Variants in ACTR6 observed in about 807,000 individuals in gnomAD.
ACTR6 encodes actin-related protein 6.
A neutral mutation model predicts 52.5 loss-of-function variants in ACTR6; 50 were observed. The observed-to-expected ratio is 0.95, with a 90% CI of 0.76 to 1.20. The LOEUF (loss-of-function observed/expected upper bound fraction) is 1.20. Among genes scored for constraint, ACTR6 ranks in the 50% most tolerant of loss-of-function variants. The pLI, the probability that ACTR6 is intolerant of heterozygous loss-of-function variation, is 0.00. For missense variants in ACTR6, 344 were observed against 472.4 expected, an observed-to-expected ratio of 0.73 and a Z score of 2.52; for synonymous variants, 135 against 147.2, an observed-to-expected ratio of 0.92 and a Z score of 0.60.
chr12:100,212,490 T>C lies in ACTR6; in HGVS notation c.712T>C (p.Leu238=). The C allele has an allele frequency of 6.2e-7, 1 of 1,613,934 alleles. No homozygotes were observed. Residue 238 remains leucine (L), a synonymous_variant, in exon 8 of 11, where the codon TTG becomes CTG. Coordinates refer to ENST00000188312, the MANE Select transcript of ACTR6 (RefSeq NM_022496.5). ...EENTVMIDYV[L]PDFSTIKKGF... ...AAATACAGTAATGATAGACTATGTC[T>C]TGCCTGACTTCAGTACAATTAAAAA...
Position 100,218,582 on chromosome 12 carries a change from T to G in ACTR6, c.918T>G (p.Pro306=), listed in dbSNP as rs770132707. The part of the protein sequence containing the change: ...EAIVYSIQNL[P]EEMQPHFFKN... ...TTGTCTATTCAATTCAAAATCTACCTGAAGGTACATAAATAGAGTAAAATA... is the reference window on the plus strand; with the variant it reads ...TTGTCTATTCAATTCAAAATCTACCGGAAGGTACATAAATAGAGTAAAATA... The change falls in exon 9 of 11, where the codon CCT becomes CCG. Residue 306 remains proline (P), a synonymous_variant. Coordinates refer to ENST00000188312, the MANE Select transcript of ACTR6 (RefSeq NM_022496.5). The surrounding 1 kb of genome is among the most constrained non-coding windows in gnomAD (Gnocchi z 4.2). The G allele has an allele frequency of 6.6e-7, 1 of 1,515,990 alleles. No homozygotes were observed. The highest frequency in any genetic ancestry group is 1.4e-5 in the African/African-American group (1 of 70,954). The allele number at this position is 1,515,990 out of a possible 1,614,324, so 93.9% of individuals were successfully genotyped here. A position where few individuals can be genotyped will look rare whatever the true frequency, so the allele number is the denominator to read the frequency against.
In ACTR6 at chr12:100,200,823, A is replaced by G. The variant is rs1308435270; in HGVS notation, c.-29A>G. 6.2e-7 allele frequency: 1 copy of G among 1,613,422 alleles called. No individual in the cohort carries two copies. The highest frequency in any genetic ancestry group is 1.3e-5 in the African/African-American group (1 of 74,918). ...GCAGAGGGGTCGGAAAGGGAAAACA[A>G]CTACGGCTGCGGTGTGGTTGGTGGT... On this transcript the variant is annotated 5_prime_UTR_variant, in exon 1 of 11. Coordinates refer to ENST00000188312, the MANE Select transcript of ACTR6 (RefSeq NM_022496.5).
At chr12:100,213,704 A>G (rs2096121829) in intron 8 of ACTR6, among the ~76,000 whole-genome samples, 1 of 152,190 alleles carries the variant, frequency 6.6e-6, no homozygotes, top group Non-Finnish European at 1.5e-5. Flanking sequence ...AAAGGGCAAA[A>G]TCCAATGGCA....
intron 4 of ACTR6, 180 bp downstream of exon 4, chr12:100,207,966 C>T: frequency 1.8e-6 from 1 of 560,512 alleles, no homozygotes; most frequent in South Asian, 1.8e-5. Flanking sequence ...TTGAGATCAG[C>T]CTGGGCAGCA....
Position 100,218,512 on chromosome 12 carries a change from A to C in ACTR6, c.848A>C (p.Asn283Thr). 6.2e-7 allele frequency: 1 copy of C among 1,602,212 alleles called. No individual in the cohort carries two copies. Among genetic ancestry groups the C allele is most frequent in the Non-Finnish European group, 8.5e-7 (1 of 1,174,352 alleles). Residue 283 changes from asparagine to threonine, a missense_variant, in exon 9 of 11, where the codon AAT (asparagine) becomes ACT (threonine). Transcript: ENST00000188312. The surrounding 1 kb of genome is among the most constrained non-coding windows in gnomAD (Gnocchi z 4.2). ...ERFAVPEILF[N>T]PSDIGIQEMG... ...TTTGCTGTTCCGGAAATACTCTTTAATCCTTCTGATATAGGCATTCAAGAA... is the reference window on the plus strand; with the variant it reads ...TTTGCTGTTCCGGAAATACTCTTTACTCCTTCTGATATAGGCATTCAAGAA...
At chr12:100,205,519 AAAG>A in intron 2 of ACTR6, 154 bp from the exon 3 acceptor site, 1 of 438,962 alleles carries the variant, frequency 2.3e-6, no homozygotes, top group African/African-American at 2.1e-5. Context: ...AAATTAAAAA[AAAG>A]AAATTCATAC....
Position 100,211,749 on chromosome 12 carries a change from C to T in ACTR6, c.573-507C>T, listed in dbSNP as rs187016165. Among the ~76,000 whole-genome samples, 18 of 152,096 alleles carry T rather than the reference C, an allele frequency of 1.2e-4. No homozygotes were observed. The East Asian group carries it at 3.1e-3, about 26-fold the overall frequency. On this transcript the variant is annotated intron_variant, in intron 6 of 10. Transcript: ENST00000188312. ...ATAATTATGGCCAGGTGCAGTGGCTCGCATCTGTAATCCCAGCACTTTGGG... is the reference window on the plus strand; with the variant it reads ...ATAATTATGGCCAGGTGCAGTGGCTTGCATCTGTAATCCCAGCACTTTGGG...
intron 10 of ACTR6, among the ~76,000 whole-genome samples, chr12:100,221,027 C>A (rs1351580894): frequency 0.012 from 1,698 of 143,832 alleles, 9 homozygotes; most frequent in Non-Finnish European, 0.018. Flanking sequence ...AAAAAAAAAA[C>A]AAAAAAAGAA....
chr12:100,211,565 C>G (rs1385348882), intron 6 of ACTR6, among the ~76,000 whole-genome samples: 1 of 151,966 alleles, frequency 6.6e-6, no homozygotes, highest in Non-Finnish European at 1.5e-5. Context: ...AGCCACAGCT[C>G]CCAGCAAAAC....
chr12:100,210,133 T>A lies in ACTR6; in HGVS notation c.440T>A (p.Ile147Asn). 1 of 1,610,930 alleles carries A rather than the reference T, an allele frequency of 6.2e-7. No homozygotes were observed. Among genetic ancestry groups the A allele is most frequent in the Non-Finnish European group, 8.5e-7 (1 of 1,178,174 alleles). Reference sequence around the variant, plus strand: ...AATCCTTCCGAATTATGCTGTATCATTGTTGATAGTGGATATTCCTTTACA... The same window carrying A: ...AATCCTTCCGAATTATGCTGTATCAATGTTGATAGTGGATATTCCTTTACA... ...RDNPSELCCIIVDSGYSFTHI... is the reference protein window; with the variant it reads ...RDNPSELCCINVDSGYSFTHI... Residue 147 changes from isoleucine (I) to asparagine (N), a missense_variant, in exon 5 of 11, where the codon ATT (isoleucine) becomes AAT (asparagine). By Grantham distance (149) the Ile-to-Asn change is moderately radical (BLOSUM62 -3). Transcript: ENST00000188312.
Position 100,224,238 on chromosome 12 carries a change from C to T in ACTR6, c.*323C>T, listed in dbSNP as rs1456584562. 3 of 175,394 alleles carry T rather than the reference C, an allele frequency of 1.7e-5. No homozygotes were observed. Among genetic ancestry groups the T allele is most frequent in the East Asian group, 3.4e-4 (2 of 5,926 alleles). The allele number at this position is 175,394 out of a possible 1,614,324, so 10.9% of individuals were successfully genotyped here. ...TGAAAGCACAAATTTAACGGCTTCA[C>T]TGGACAGTTTTCCTTAGAAGGTAGT... On this transcript the variant is annotated 3_prime_UTR_variant, in exon 11 of 11. Coordinates refer to ENST00000188312, the MANE Select transcript of ACTR6 (RefSeq NM_022496.5).
intron 8 of ACTR6, among the ~76,000 whole-genome samples, chr12:100,214,569 A>C (rs1054141628): frequency 3.1e-4 from 47 of 152,054 alleles, no homozygotes; most frequent in African/African-American, 1.1e-3. Flanking sequence ...CTACAAAAAA[A>C]AAAAAAAAAA....
intron 4 of ACTR6, chr12:100,208,082 G>A: frequency 7.4e-6 from 2 of 270,322 alleles, no homozygotes; most frequent in South Asian, 3.8e-5. Flanking sequence ...GATCGTTTGA[G>A]CCTGGGAGGT....
At chr12:100,203,535 C>A (rs919937097) in intron 1 of ACTR6, 1 of 152,150 alleles carries the variant, frequency 6.6e-6, no homozygotes, top group African/African-American at 2.4e-5. Context: ...AAACTCCTGA[C>A]CTCATGATCC....
chr12:100,223,718 A>G, intron 10 of ACTR6, 68 bp from the exon 11 acceptor site: 1 of 1,543,686 alleles, frequency 6.5e-7, no homozygotes, highest in Non-Finnish European at 8.8e-7. Context: ...ACCTAATAGT[A>G]ATTTATGTTT....
intron 1 of ACTR6, among the ~76,000 whole-genome samples, chr12:100,203,301 CTTAAT>C (rs1229440854): frequency 2.6e-5 from 4 of 152,156 alleles, no homozygotes; most frequent in East Asian, 1.9e-4. Flanking sequence ...TTCATGGGAA[CTTAAT>C]TTATTTTATT....
rs116703045 is a variant in ACTR6, at chr12:100,207,902, T to A, written c.379+116T>A. On this transcript the variant is annotated intron_variant, in intron 4 of 10. Coordinates refer to ENST00000188312, the MANE Select transcript of ACTR6 (RefSeq NM_022496.5). The stretch of plus-strand genomic sequence containing the variant: ...CTTGGCTAGCACAGTGGCTAACACC[T>A]GTAACCCCATCAGTTTGGGAGGCTG... The A allele has an allele frequency of 3.7e-3, 4,250 of 1,141,624 alleles. 119 individuals are homozygous for A. The African/African-American group carries it at 0.058, about 16-fold the overall frequency. The allele number at this position is 1,141,624 out of a possible 1,614,324, so 70.7% of individuals were successfully genotyped here. A position where few individuals can be genotyped will look rare whatever the true frequency, so the allele number is the denominator to read the frequency against.
intron 2 of ACTR6, 90 bp from the exon 3 acceptor site, chr12:100,205,586 A>G: frequency 7.5e-6 from 6 of 797,796 alleles, no homozygotes; most frequent in Non-Finnish European, 1.1e-5. Context: ...TTGGAATCTG[A>G]TTTTTAAAAA....
intron 6 of ACTR6, 102 bp downstream of exon 6, chr12:100,210,453 TCA>T: frequency 7.1e-6 from 9 of 1,264,076 alleles, no homozygotes; most frequent in Non-Finnish European, 1.0e-5. Context: ...TCATTGTGAC[TCA>T]CGCCTGTAAT....
Sources: gnomAD v4.1 joint callset for allele counts (sites outside exome capture counted in the v4.1 genomes callset) on GRCh38, gnomAD v4.1.1 for gene constraint, Gnocchi (gnomAD v3.1) non-coding constraint, MANE v1.5 for transcripts, NCBI Gene and HGNC (gene_info 2026-07-23, HGNC 2026-07-21) for gene names.